PIK3C2G: variants seen among roughly 807,000 people sequenced by gnomAD.
PIK3C2G encodes phosphatidylinositol 3-kinase C2 domain-containing subunit gamma.
In PIK3C2G, 168 loss-of-function variants were observed where a neutral mutation model predicts 181.1. The ratio of observed to expected loss-of-function variants is 0.93; its 90% CI spans 0.82 to 1.05. The LOEUF is 1.05. Among genes scored for constraint, PIK3C2G ranks in the 50% least tolerant of loss-of-function variants. The pLI, the probability that PIK3C2G is intolerant of heterozygous loss-of-function variation, is 0.00. For synonymous variants in PIK3C2G, 573 were observed against 592.2 expected, an observed-to-expected ratio of 0.97 and a Z score of 0.47; for missense variants, 1,869 against 1,732.8, an observed-to-expected ratio of 1.08 and a Z score of -1.40.
At chr12:18,714,110 G>T in the PIK3C2G span, among the ~76,000 whole-genome samples, 1 of 152,260 alleles carries the variant, frequency 6.6e-6, no homozygotes, top group Non-Finnish European at 1.5e-5. Flanking sequence ...TCATGAAATA[G>T]GTCATTTGCC....
chr12:18,710,632 G>A, the PIK3C2G span, among the ~76,000 whole-genome samples: 11 of 152,072 alleles, frequency 7.2e-5, no homozygotes, highest in African/African-American at 2.7e-4. Flanking sequence ...CAGAGAAGAG[G>A]GCAGTGGGAT....
intron 24 of PIK3C2G, among the ~76,000 whole-genome samples, chr12:18,534,087 T>C (rs1215049979): frequency 6.6e-6 from 1 of 151,376 alleles, no homozygotes; most frequent in Non-Finnish European, 1.5e-5. Context: ...GTAGCTGGGA[T>C]TACAGGTGTG....
At chr12:18,640,852 C>T (rs1949804719) in intron 32 of PIK3C2G, among the ~76,000 whole-genome samples, 1 of 152,226 alleles carries the variant, frequency 6.6e-6, no homozygotes, top group Middle Eastern at 3.4e-3. Context: ...TTTTCTCTAA[C>T]CTTATTCTCC....
intron 1 of PIK3C2G, among the ~76,000 whole-genome samples, chr12:18,279,756 T>G (rs1949132744): frequency 1.3e-5 from 2 of 152,004 alleles, no homozygotes; most frequent in African/African-American, 2.4e-5. Context: ...AGGTAGATAA[T>G]GATATAGCTA....
upstream of PIK3C2G, among the ~76,000 whole-genome samples, chr12:18,246,914 G>A (rs969397401): frequency 3.9e-5 from 6 of 152,084 alleles, no homozygotes; most frequent in African/African-American, 1.2e-4. Flanking sequence ...ATATTTAATG[G>A]CAAGAGGCTA....
Position 18,563,373 on chromosome 12 carries a change from G to T in PIK3C2G, c.3781-4G>T. The T allele has an allele frequency of 6.2e-7, 1 of 1,606,852 alleles. No individual in the cohort carries two copies. Among genetic ancestry groups the T allele is most frequent in the Non-Finnish European group, 8.5e-7 (1 of 1,176,046 alleles). ...TTTGATTTCTATCTATTTACTTTCTGCAGCTGTATCTGATCCAGGTGACAC... is the reference window on the plus strand; with the variant it reads ...TTTGATTTCTATCTATTTACTTTCTTCAGCTGTATCTGATCCAGGTGACAC... On this transcript the variant is annotated splice_region_variant and splice_polypyrimidine_tract_variant and intron_variant, in intron 27 of 32. Coordinates refer to ENST00000538779, the MANE Select transcript of PIK3C2G (RefSeq NM_001288772.2).
chr12:18,531,860 G>T (rs2136218990), intron 24 of PIK3C2G, among the ~76,000 whole-genome samples: 1 of 152,240 alleles, frequency 6.6e-6, no homozygotes, highest in East Asian at 1.9e-4. Flanking sequence ...GTAAGTCTCT[G>T]TGAACATGTA....
chr12:18,696,566 T>G, the PIK3C2G span, among the ~76,000 whole-genome samples: 1 of 151,822 alleles, frequency 6.6e-6, no homozygotes, highest in Non-Finnish European at 1.5e-5. Context: ...ACACCCAAAT[T>G]ATTTCACTTT....
At chr12:18,499,664 A>C (rs974939957) in intron 22 of PIK3C2G, among the ~76,000 whole-genome samples, 5 of 152,202 alleles carry the variant, frequency 3.3e-5, no homozygotes, top group African/African-American at 1.2e-4. Flanking sequence ...ACCCAAGCGC[A>C]CTAAATCAGA....
In PIK3C2G at chr12:18,648,010, A is replaced by G. The variant is rs1194266719; in HGVS notation, c.4443A>G (p.Leu1481=). The G allele has an allele frequency of 6.3e-7, 1 of 1,595,210 alleles. No homozygotes were observed. Among genetic ancestry groups the G allele is most frequent in the Non-Finnish European group, 8.5e-7 (1 of 1,170,242 alleles). The part of the protein sequence containing the change: ...VPLDKEKWYP[L]GNSII ...TCGATAAAGAAAAATGGTATCCATTAGGAAACAGTATAATTTGACCATTGC... is the reference window on the plus strand; with the variant it reads ...TCGATAAAGAAAAATGGTATCCATTGGGAAACAGTATAATTTGACCATTGC... The change falls in exon 33 of 33, where the codon TTA becomes TTG. Residue 1481 remains leucine, a synonymous_variant. Coordinates refer to ENST00000538779, the MANE Select transcript of PIK3C2G (RefSeq NM_001288772.2).
At chr12:18,659,663 CT>C in the PIK3C2G span, among the ~76,000 whole-genome samples, 5,280 of 133,766 alleles carry the variant, frequency 0.039, 290 homozygotes, top group African/African-American at 0.13. Flanking sequence ...GTTCTCCATT[CT>C]TTTTTTTTTT....
chr12:18,273,331 T>C (rs1366660423), intron 1 of PIK3C2G, among the ~76,000 whole-genome samples: 1 of 152,172 alleles, frequency 6.6e-6, no homozygotes, highest in Non-Finnish European at 1.5e-5. Flanking sequence ...CATTGGTCTA[T>C]ATCTCTGTTT....
intron 11 of PIK3C2G, among the ~76,000 whole-genome samples, chr12:18,348,560 C>G (rs1939908158): frequency 6.6e-6 from 1 of 152,034 alleles, no homozygotes; most frequent in African/African-American, 2.4e-5. Flanking sequence ...ATCATCCCAG[C>G]CATTCATTAC....
At chr12:18,720,241 A>G in the PIK3C2G span, among the ~76,000 whole-genome samples, 4 of 152,058 alleles carry the variant, frequency 2.6e-5, no homozygotes, top group African/African-American at 9.6e-5. Flanking sequence ...TGACTATGCC[A>G]CAATTTATTT....
intron 14 of PIK3C2G, among the ~76,000 whole-genome samples, chr12:18,382,521 A>G (rs1302575713): frequency 6.6e-6 from 1 of 152,156 alleles, no homozygotes; most frequent in East Asian, 1.9e-4. Flanking sequence ...ATGGAATATG[A>G]ACTTTTCATC....
rs1392330835 is a variant in PIK3C2G at position 18,515,122 on chromosome 12, G to A, written c.3323+9661G>A. Among the ~76,000 whole-genome samples the A allele has an allele frequency of 6.6e-5, 10 of 151,980 alleles. No homozygotes were observed. The East Asian group carries it at 7.8e-4, about 12-fold the overall frequency. On this transcript the variant is annotated intron_variant, in intron 24 of 32. Coordinates refer to ENST00000538779, the MANE Select transcript of PIK3C2G (RefSeq NM_001288772.2). The stretch of plus-strand genomic sequence containing the variant: ...TGGTGACTGATCTTTTTAATGTGTT[G>A]TTGAATTGGTTTGCTAGTAATTTGT...
In PIK3C2G at chr12:18,282,264, C is replaced by T. The variant is rs1234620420; in HGVS notation, c.183C>T (p.Asn61=). The change falls in exon 2 of 33, where the codon AAC becomes AAT. Residue 61 remains asparagine (N), a synonymous_variant. Transcript: ENST00000538779. ...ACTACGAGAGTGAAATTGATGAAAA[C>T]ACCTTTTTTGTGCCCACTGCACCAA... The part of the protein sequence containing the change: ...IPHYESEIDE[N]TFFVPTAPKW... The T allele has an allele frequency of 1.9e-6, 3 of 1,613,602 alleles. No homozygotes were observed. In the East Asian group the frequency reaches 6.7e-5, roughly 36 times the overall value.
rs181014104 is a variant in PIK3C2G, at chr12:18,307,712, C to A, written c.1035-6250C>A. Among the ~76,000 whole-genome samples the A allele has an allele frequency of 2.9e-4, 44 of 151,910 alleles. 1 individual carries two copies. The highest frequency in any genetic ancestry group is 2.8e-3 in the Admixed American group (43 of 15,232). On this transcript the variant is annotated intron_variant, in intron 5 of 32. Transcript: ENST00000538779. ...CTCTCAAATAAAAATTCATTTTTTACTGCACTTACTTATTAAATTCCCACC... is the reference window on the plus strand; with the variant it reads ...CTCTCAAATAAAAATTCATTTTTTAATGCACTTACTTATTAAATTCCCACC...
chr12:18,570,367 C>A lies in PIK3C2G; in HGVS notation c.4011+3310C>A, dbSNP rs909414504. Among the ~76,000 whole-genome samples, 4 of 141,930 alleles carry A rather than the reference C, an allele frequency of 2.8e-5. 1 individual carries two copies. Among genetic ancestry groups the A allele is most frequent in the African/African-American group, 8.8e-5 (3 of 34,258 alleles). 93.1% of individuals were successfully genotyped at this position (141,930 alleles called of 152,430 possible). A position where few individuals can be genotyped will look rare whatever the true frequency, so the allele number is the denominator to read the frequency against. On this transcript the variant is annotated intron_variant, in intron 29 of 32. Transcript: ENST00000538779. ...GGGATTACAGGCGCCCACCACCACA[C>A]CCAGCCTATTTTTGTATTTTTAATA...
Sources: allele counts gnomAD v4.1 joint callset (sites outside exome capture counted in the v4.1 genomes callset), GRCh38; gene constraint gnomAD v4.1.1; transcripts MANE v1.5; gene names NCBI Gene and HGNC (gene_info 2026-07-23, HGNC 2026-07-21).